The following MTMR12 variants were observed in gnomAD, a reference collection of about 807,000 sequenced individuals.
MTMR12 encodes myotubularin-related protein 12.
MTMR12 carries 33 observed loss-of-function variants against 96.7 expected under a neutral mutation model. That is an observed-to-expected ratio of 0.34 (90% CI 0.26 to 0.46). The LOEUF is 0.46. MTMR12 is among the 20% of genes least tolerant of loss of function. The pLI is 1.00. For missense variants in MTMR12, 721 were observed against 896.1 expected (o/e 0.80, Z 2.49); for synonymous variants, 298 against 327.2 (o/e 0.91, Z 0.96).
intron 11 of MTMR12, 40 bp downstream of exon 11, chr5:32,243,481 C>G: frequency 7.0e-7 from 1 of 1,432,748 alleles, no homozygotes; most frequent in Non-Finnish European, 9.8e-7. Context: ...CTGAGTTATA[C>G]AATTACAAAA....
chr5:32,251,618 G>C (rs1334050851), intron 8 of MTMR12, among the ~76,000 whole-genome samples: 1 of 152,166 alleles, frequency 6.6e-6, no homozygotes, highest in Non-Finnish European at 1.5e-5. Flanking sequence ...AATATACTTG[G>C]CAGTACAGGA....
chr5:32,262,785 AAC>A (rs760427647), intron 7 of MTMR12, among the ~76,000 whole-genome samples: 36 of 152,214 alleles, frequency 2.4e-4, no homozygotes, highest in Non-Finnish European at 4.7e-4. Flanking sequence ...CTGCAAAATA[AAC>A]AGACTTTGAA....
chr5:32,283,156 G>C (rs994956765), intron 1 of MTMR12, among the ~76,000 whole-genome samples: 4 of 152,122 alleles, frequency 2.6e-5, no homozygotes, highest in Non-Finnish European at 5.9e-5. Flanking sequence ...AAATTTGTTG[G>C]GTGAGTGATT....
chr5:32,253,608 C>G (rs963481465), intron 8 of MTMR12, among the ~76,000 whole-genome samples: 5 of 152,128 alleles, frequency 3.3e-5, no homozygotes, highest in African/African-American at 1.2e-4. Flanking sequence ...GAAGTGAGAA[C>G]ACGTTCTCAC....
intron 13 of MTMR12, among the ~76,000 whole-genome samples, chr5:32,238,363 C>T (rs1748324348): frequency 6.6e-6 from 1 of 151,906 alleles, no homozygotes; most frequent in African/African-American, 2.4e-5. Context: ...CATCACCATG[C>T]CCAGTTTATT....
chr5:32,284,289 GCCTGGGTGACAGA>G (rs1481523504), intron 1 of MTMR12, among the ~76,000 whole-genome samples: 1 of 136,152 alleles, frequency 7.3e-6, no homozygotes, highest in Non-Finnish European at 1.5e-5. Context: ...CTGTACTCCA[GCCTGGGTGACAGA>G]ACAAGACCCT....
intron 2 of MTMR12, among the ~76,000 whole-genome samples, chr5:32,274,956 G>A (rs576499182): frequency 2.0e-5 from 3 of 152,060 alleles, no homozygotes; most frequent in South Asian, 2.1e-4. Context: ...AGAAGACTAT[G>A]GGGGAAATGA....
rs1749333307 is a variant in MTMR12 at position 32,260,758 on chromosome 5, C to G, written c.713+2355G>C. 2.0e-5 allele frequency among the ~76,000 whole-genome samples: 3 copies of G among 151,390 alleles called. No homozygotes were observed. In the South Asian group the frequency reaches 6.2e-4, roughly 32 times the overall value. ...GGGGAGGGGGACCAGTGGCAGCAAC[C>G]TGATAAATACTGAGAGTGATCAGAA... On this transcript the variant is annotated intron_variant, in intron 7 of 15. Coordinates refer to ENST00000382142, the MANE Select transcript of MTMR12 (RefSeq NM_001040446.3).
intron 1 of MTMR12, among the ~76,000 whole-genome samples, chr5:32,311,824 G>C (rs1366639268): frequency 6.6e-6 from 1 of 152,136 alleles, no homozygotes; most frequent in African/African-American, 2.4e-5. Context: ...CCTCTACCTG[G>C]ACGACTCTTC....
chr5:32,270,897 CAG>C lies in MTMR12; in HGVS notation c.407_408del (p.Pro136ArgfsTer40). 1 of 1,614,040 alleles carries C rather than the reference CAG, an allele frequency of 6.2e-7. No homozygotes were observed. The highest frequency in any genetic ancestry group is 8.5e-7 in the Non-Finnish European group (1 of 1,179,936). ...TCTTTGCAGTGGATGATGAGCTTCT[CAG>C]GGTATTTCTTCAGTTGTCCAAAGAG... is the stretch of plus-strand genomic sequence containing the variant. ...KTLFGQLKKY[P>X]EKLIIHCKDL... On this transcript the variant is annotated frameshift_variant, in exon 5 of 16. Coordinates refer to ENST00000382142, the MANE Select transcript of MTMR12 (RefSeq NM_001040446.3). LOFTEE classifies it high-confidence loss of function.
At chr5:32,294,153 T>A (rs920150122) in intron 1 of MTMR12, among the ~76,000 whole-genome samples, 1 of 152,150 alleles carries the variant, frequency 6.6e-6, no homozygotes. Context: ...CTCCTGTCCA[T>A]CCAACTCACT....
intron 14 of MTMR12, among the ~76,000 whole-genome samples, chr5:32,234,539 T>C (rs1200084650): frequency 6.6e-6 from 1 of 152,230 alleles, no homozygotes; most frequent in African/African-American, 2.4e-5. Flanking sequence ...TAACTGTCTT[T>C]CAAATGGACA....
chr5:32,235,602 A>G (rs1581587908), intron 13 of MTMR12, among the ~76,000 whole-genome samples: 1 of 152,190 alleles, frequency 6.6e-6, no homozygotes, highest in Non-Finnish European at 1.5e-5. Context: ...CCCACACACT[A>G]ACTGACAGGG....
In MTMR12 at chr5:32,233,372, G is replaced by A. The variant is rs1359646074; in HGVS notation, c.1674+401C>T. ...GTGGTTTACAGGCACAGCTCATTAA[G>A]AAAAGTCTTACTATTTATTATAATA... On this transcript the variant is annotated intron_variant, in intron 15 of 15. Coordinates refer to ENST00000382142, the MANE Select transcript of MTMR12 (RefSeq NM_001040446.3). The surrounding 1 kb of genome is among the most constrained non-coding windows in gnomAD (Gnocchi z 5.0). Among the ~76,000 whole-genome samples the A allele has an allele frequency of 6.6e-6, 1 of 151,840 alleles. No individual in the cohort carries two copies. The highest frequency in any genetic ancestry group is 6.6e-5 in the Admixed American group (1 of 15,240).
Position 32,297,236 on chromosome 5 carries a change from T to G in MTMR12, c.81+15522A>C, listed in dbSNP as rs1750965097. Among the ~76,000 whole-genome samples, 4 of 152,210 alleles carry G rather than the reference T, an allele frequency of 2.6e-5. 1 individual carries two copies. The highest frequency in any genetic ancestry group is 4.8e-5 in the African/African-American group (2 of 41,440). On this transcript the variant is annotated intron_variant, in intron 1 of 15. Transcript: ENST00000382142. ...TGTACAATCATCACCACAATCAATT[T>G]TAGATCATTTTCATCATCCCAAAAG... is the stretch of plus-strand genomic sequence containing the variant.
intron 1 of MTMR12, among the ~76,000 whole-genome samples, chr5:32,304,261 A>C (rs1200513034): frequency 1.3e-5 from 2 of 152,072 alleles, no homozygotes; most frequent in African/African-American, 4.8e-5. Context: ...CAGAGGTTGC[A>C]GTGAGCCAAG....
At chr5:32,268,248 C>T (rs1424875136) in intron 6 of MTMR12, among the ~76,000 whole-genome samples, 1 of 152,110 alleles carries the variant, frequency 6.6e-6, no homozygotes, top group African/African-American at 2.4e-5. Flanking sequence ...TGGCTCACAC[C>T]TGTAATCCCA....
At chr5:32,265,560 T>A (rs1484814494) in intron 6 of MTMR12, among the ~76,000 whole-genome samples, 1 of 152,250 alleles carries the variant, frequency 6.6e-6, no homozygotes, top group African/African-American at 2.4e-5. Context: ...TTTGTATATG[T>A]CATATTGCCA....
At chr5:32,277,031 G>C (rs1277530146) in intron 1 of MTMR12, among the ~76,000 whole-genome samples, 1 of 151,842 alleles carries the variant, frequency 6.6e-6, no homozygotes, top group Admixed American at 6.6e-5. Flanking sequence ...GACTACAGGC[G>C]TGTGCCACCA....
Sources: gnomAD v4.1 joint callset for allele counts (sites outside exome capture counted in the v4.1 genomes callset) on GRCh38, gnomAD v4.1.1 for gene constraint, Gnocchi (gnomAD v3.1) non-coding constraint, MANE v1.5 for transcripts, NCBI Gene and HGNC (gene_info 2026-07-23, HGNC 2026-07-21) for gene names.